The following NSUN6 variants were observed in gnomAD, a reference collection of about 807,000 sequenced individuals.
The protein encoded by NSUN6 is NOP2/Sun RNA methyltransferase 6.
NSUN6 carries 64 observed loss-of-function variants against 58.0 expected under a neutral mutation model. That is an observed-to-expected ratio of 1.10 (90% CI 0.90 to 1.36). The LOEUF is 1.36. Among genes scored for constraint, NSUN6 ranks in the 40% most tolerant of loss-of-function variants. NSUN6 has a pLI of 0.00. For missense variants in NSUN6, 701 were observed against 550.1 expected (o/e 1.27, Z -2.74); for synonymous variants, 231 against 193.9 (o/e 1.19, Z -1.59).
At chr10:18,614,666 C>A (rs541698871) in intron 4 of NSUN6, 53 bp from the exon 5 acceptor site, 11 of 981,572 alleles carry the variant, frequency 1.1e-5, no homozygotes, top group African/African-American at 1.7e-5. Context: ...GCAGAAGAAT[C>A]GTGAAAATTA....
chr10:18,581,510 T>C (rs764321409), intron 8 of NSUN6, among the ~76,000 whole-genome samples: 1 of 152,110 alleles, frequency 6.6e-6, no homozygotes, highest in Non-Finnish European at 1.5e-5. Flanking sequence ...TTGTTTAGCA[T>C]ATACTCAAGA....
intron 8 of NSUN6, among the ~76,000 whole-genome samples, chr10:18,562,618 G>A (rs1311500698): frequency 6.8e-6 from 1 of 147,578 alleles, no homozygotes; most frequent in African/African-American, 2.6e-5. Flanking sequence ...GGTATGGAAT[G>A]AAATACAGAA....
intron 8 of NSUN6, among the ~76,000 whole-genome samples, chr10:18,580,611 C>A (rs983361114): frequency 1.3e-5 from 2 of 152,122 alleles, no homozygotes; most frequent in Admixed American, 1.3e-4. Flanking sequence ...ACCCAAGAGC[C>A]AAGTGAAGAG....
intron 2 of NSUN6, among the ~76,000 whole-genome samples, chr10:18,646,412 C>A (rs7099260): frequency 0.35 from 52,747 of 151,838 alleles, 9,724 homozygotes; most frequent in East Asian, 0.73. Flanking sequence ...TGACTCTGAC[C>A]GAAGCTTCCC....
At chr10:18,617,962 C>CA (rs762171725) in intron 3 of NSUN6, among the ~76,000 whole-genome samples, 12 of 152,126 alleles carry the variant, frequency 7.9e-5, no homozygotes, top group Non-Finnish European at 1.6e-4. Flanking sequence ...TCCAACACTA[C>CA]AAAAAACAAA....
chr10:18,587,171 C>T (rs1039697167), intron 7 of NSUN6, among the ~76,000 whole-genome samples: 1 of 152,204 alleles, frequency 6.6e-6, no homozygotes, highest in African/African-American at 2.4e-5. Context: ...AAAACATCCA[C>T]TGGAGGCAAA....
At chr10:18,634,374 A>G (rs1219351428) in intron 3 of NSUN6, among the ~76,000 whole-genome samples, 2 of 152,198 alleles carry the variant, frequency 1.3e-5, no homozygotes, top group African/African-American at 4.8e-5. Context: ...AGAGACAAGA[A>G]AAGCAAAGCA....
chr10:18,653,393 A>G (rs1224573766), upstream of NSUN6: 3 of 847,542 alleles, frequency 3.5e-6, no homozygotes, highest in Non-Finnish European at 4.3e-6. Flanking sequence ...TTTGTTTGAG[A>G]TGGAGTCTCA....
intron 6 of NSUN6, among the ~76,000 whole-genome samples, chr10:18,600,959 T>TGTATATATATATATATATATAC (rs2057797111): frequency 7.7e-5 from 5 of 64,926 alleles, no homozygotes; most frequent in African/African-American, 2.1e-4. Flanking sequence ...TATATATATA[T>TGTATATATATATATATATATAC]ACATATATAT....
intron 2 of NSUN6, among the ~76,000 whole-genome samples, chr10:18,644,607 C>A (rs1032172559): frequency 1.3e-5 from 2 of 150,892 alleles, no homozygotes; most frequent in Non-Finnish European, 2.9e-5. Context: ...GAGGCCGAGG[C>A]GGGTGGATCA....
At position 18,545,874 on chromosome 10, in the gene NSUN6, A is replaced by AAAAAAAC. The variant is rs972598263; in HGVS notation, c.*58_*59insGTTTTTT. The AAAAAAAC allele has an allele frequency of 1.9e-6, 2 of 1,054,642 alleles. No homozygotes were observed. Among genetic ancestry groups the AAAAAAAC allele is most frequent in the African/African-American group, 1.6e-5 (1 of 62,002 alleles). 65.3% of individuals were successfully genotyped at this position (1,054,642 alleles called of 1,614,324 possible). ...GGCCTGACAACACTTTGGTTAAAAA[A>AAAAAAAC]AAAAAAACCACAGACAGCAAATGTT... On this transcript the variant is annotated 3_prime_UTR_variant, in exon 11 of 11. Coordinates refer to ENST00000377304, the MANE Select transcript of NSUN6 (RefSeq NM_182543.5).
intron 3 of NSUN6, among the ~76,000 whole-genome samples, chr10:18,626,165 C>T (rs1246689477): frequency 2.0e-5 from 3 of 151,694 alleles, no homozygotes; most frequent in South Asian, 2.1e-4. Context: ...CCATAAGGAC[C>T]GAAAGCAAAC....
intron 3 of NSUN6, among the ~76,000 whole-genome samples, chr10:18,623,498 G>A (rs1481162917): frequency 6.6e-6 from 1 of 152,130 alleles, no homozygotes; most frequent in African/African-American, 2.4e-5. Flanking sequence ...GAAAAGGAGA[G>A]GCTCCTGGAG....
intron 5 of NSUN6, among the ~76,000 whole-genome samples, chr10:18,613,189 C>T (rs1017829091): frequency 1.3e-5 from 2 of 152,070 alleles, no homozygotes; most frequent in Admixed American, 1.3e-4. Context: ...TGCAACCCCC[C>T]GGGTTCAAGC....
chr10:18,639,393 C>T (rs1412744772), intron 3 of NSUN6, among the ~76,000 whole-genome samples: 1 of 152,100 alleles, frequency 6.6e-6, no homozygotes, highest in East Asian at 1.9e-4. Context: ...ACTCGGGAGG[C>T]TGAGTCAGGA....
chr10:18,648,954 T>C (rs1334397316), intron 1 of NSUN6, among the ~76,000 whole-genome samples: 1 of 152,192 alleles, frequency 6.6e-6, no homozygotes, highest in Non-Finnish European at 1.5e-5. Flanking sequence ...TCACATAAAT[T>C]CAGGAATTCA....
intron 3 of NSUN6, among the ~76,000 whole-genome samples, chr10:18,627,983 A>G (rs572211129): frequency 1.3e-5 from 2 of 152,264 alleles, no homozygotes; most frequent in Non-Finnish European, 2.9e-5. Flanking sequence ...AGACAGCAGT[A>G]ACCTCTGCAC....
At chr10:18,568,126 A>G (rs567086786) in intron 8 of NSUN6, among the ~76,000 whole-genome samples, 9 of 149,642 alleles carry the variant, frequency 6.0e-5, no homozygotes, top group African/African-American at 2.2e-4. Context: ...TCCATTCTGC[A>G]TTACATTACA....
At chr10:18,613,296 C>T (rs572533473) in intron 5 of NSUN6, among the ~76,000 whole-genome samples, 2 of 152,130 alleles carry the variant, frequency 1.3e-5, no homozygotes, top group African/African-American at 4.8e-5. Context: ...GGGCTTTCAC[C>T]GTGTTGGCCA....
Sources: gnomAD v4.1 joint callset for allele counts (sites outside exome capture counted in the v4.1 genomes callset) on GRCh38, gnomAD v4.1.1 for gene constraint, MANE v1.5 for transcripts, NCBI Gene and HGNC (gene_info 2026-07-23, HGNC 2026-07-21) for gene names.